The following USP13 variants were observed in gnomAD, a reference collection of about 807,000 sequenced individuals.
USP13 encodes ubiquitin specific peptidase 13.
A neutral mutation model predicts 107.8 loss-of-function variants in USP13; 68 were observed. That is an observed-to-expected ratio of 0.63 (90% CI 0.52 to 0.77). The LOEUF is 0.77. Ranked by LOEUF, USP13 falls within the 30% of genes least tolerant of loss-of-function variation. The pLI is 0.00. For missense variants in USP13, 945 were observed against 1,093.3 expected, an observed-to-expected ratio of 0.86 and a Z score of 1.91; for synonymous variants, 377 against 389.5, an observed-to-expected ratio of 0.97 and a Z score of 0.38.
chr3:179,666,698 T>G (rs1720596724), intron 1 of USP13, among the ~76,000 whole-genome samples: 1 of 152,188 alleles, frequency 6.6e-6, no homozygotes, highest in African/African-American at 2.4e-5. Flanking sequence ...TGAGTGGGGC[T>G]GCTGTCCTTT....
At chr3:179,725,298 G>GTT (rs11438087) in intron 8 of USP13, among the ~76,000 whole-genome samples, 1 of 151,732 alleles carries the variant, frequency 6.6e-6, no homozygotes, top group African/African-American at 2.4e-5. Flanking sequence ...TTTCCAGTGA[G>GTT]TTTTTTTTTG....
At chr3:179,762,093 T>C (rs6780256) in intron 17 of USP13, among the ~76,000 whole-genome samples, 7,110 of 152,296 alleles carry the variant, frequency 0.047, 569 homozygotes, top group African/African-American at 0.16. Context: ...CCCATTTTCC[T>C]GCTCACCCCA....
At chr3:179,763,655 C>T (rs1021522035) in intron 17 of USP13, among the ~76,000 whole-genome samples, 3 of 152,146 alleles carry the variant, frequency 2.0e-5, no homozygotes, top group Non-Finnish European at 4.4e-5. Flanking sequence ...GGTGCAATCT[C>T]AGCTCACTGC....
chr3:179,724,285 C>T (rs950272888), intron 8 of USP13, among the ~76,000 whole-genome samples: 1 of 151,156 alleles, frequency 6.6e-6, no homozygotes, highest in Admixed American at 6.6e-5. Context: ...TGGTGAAACC[C>T]CGTCTGTACT....
In USP13 at chr3:179,719,964, A is replaced by C; in HGVS notation, c.830A>C (p.Glu277Ala). 1.2e-6 allele frequency: 2 copies of C among 1,614,048 alleles called. No homozygotes were observed. Among genetic ancestry groups the C allele is most frequent in the African/African-American group, 2.7e-5 (2 of 75,046 alleles). Reference protein sequence around the residue: ...GADVYSFQEEEPVLDPHLAKH... With the variant: ...GADVYSFQEEAPVLDPHLAKH... The stretch of plus-strand genomic sequence containing the variant: ...GATGTTTATTCTTTTCAAGAAGAAG[A>C]ACCTGTTTTGGATCCTCATTTGGCC... Residue 277 changes from glutamate to alanine, a missense_variant, in exon 7 of 21, where the codon GAA (glutamate) becomes GCA (alanine). By Grantham distance (107) the Glu-to-Ala change is moderately radical. Transcript: ENST00000263966.
chr3:179,731,945 C>G (rs1713822448), intron 10 of USP13, among the ~76,000 whole-genome samples: 1 of 152,120 alleles, frequency 6.6e-6, no homozygotes, highest in Non-Finnish European at 1.5e-5. Context: ...AATAAATACC[C>G]TCTTGTTCAT....
At position 179,670,530 on chromosome 3, in the gene USP13, T is replaced by C. The variant is rs949196624; in HGVS notation, c.169-11348T>C. Among the ~76,000 whole-genome samples, 5 of 152,136 alleles carry C rather than the reference T, an allele frequency of 3.3e-5. No homozygotes were observed. The East Asian group carries it at 9.7e-4, about 29-fold the overall frequency. On this transcript the variant is annotated intron_variant, in intron 1 of 20. Transcript: ENST00000263966. ...CAGTGTTCCCGATTAGTTTCATTTT[T>C]CCCAGTTGTAATCACAGTCTCATTT...
chr3:179,671,659 C>G (rs1279340888), intron 1 of USP13, among the ~76,000 whole-genome samples: 2 of 152,156 alleles, frequency 1.3e-5, no homozygotes, highest in African/African-American at 4.8e-5. Flanking sequence ...ATGGAGGTAC[C>G]ATAAATTATT....
In USP13 at chr3:179,708,846, G is replaced by A; in HGVS notation, c.694G>A (p.Gly232Arg). 1 of 1,614,176 alleles carries A rather than the reference G, an allele frequency of 6.2e-7. No individual in the cohort carries two copies. Residue 232 changes from glycine (G) to arginine (R), a missense_variant, in exon 6 of 21, where the codon GGA becomes AGA. Gly to Arg is a moderately radical substitution (Grantham distance 125, BLOSUM62 -2). Coordinates refer to ENST00000263966, the MANE Select transcript of USP13 (RefSeq NM_003940.3). ...LNLTDGSVLC[G>R]KWFFDSSGGN... is the part of the protein sequence containing the mutation. Reference sequence around the variant, plus strand: ...TCTGACTGACGGCTCTGTCCTGTGTGGAAAGTGGTTCTTTGACAGCTCTGG... The same window carrying A: ...TCTGACTGACGGCTCTGTCCTGTGTAGAAAGTGGTTCTTTGACAGCTCTGG...
At position 179,694,799 on chromosome 3, in the gene USP13, C is replaced by CAAAGAAAAAA. The variant is rs1327789835; in HGVS notation, c.355+4501_355+4502insGAAAAAAAAA. Among the ~76,000 whole-genome samples the CAAAGAAAAAA allele has an allele frequency of 9.7e-5, 8 of 82,138 alleles. 1 individual carries two copies. Among genetic ancestry groups the CAAAGAAAAAA allele is most frequent in the African/African-American group, 1.4e-4 (3 of 21,454 alleles). The allele number at this position is 82,138 out of a possible 152,430, so 53.9% of individuals were successfully genotyped here. On this transcript the variant is annotated intron_variant, in intron 3 of 20. Coordinates refer to ENST00000263966, the MANE Select transcript of USP13 (RefSeq NM_003940.3). Reference sequence around the variant, plus strand: ...CTGGGCAAAGAGTGAAACTCCATCTCAAAAAAAAAAAAAAAAAAAAAAAAG... The same window carrying CAAAGAAAAAA: ...CTGGGCAAAGAGTGAAACTCCATCTCAAAGAAAAAAAAAAAAAAAAAAAAAAAAAAAAAAG...
chr3:179,662,812 G>C (rs1720491561), intron 1 of USP13, among the ~76,000 whole-genome samples: 1 of 152,106 alleles, frequency 6.6e-6, no homozygotes, highest in Admixed American at 6.5e-5. Flanking sequence ...TTTGGATCTG[G>C]ACATCTGTGC....
At chr3:179,657,720 C>T (rs113979381) in intron 1 of USP13, among the ~76,000 whole-genome samples, 1,836 of 131,930 alleles carry the variant, frequency 0.014, 30 homozygotes, top group African/African-American at 0.045. Flanking sequence ...GCCGAGATTG[C>T]GTCACTGCAC....
intron 11 of USP13, among the ~76,000 whole-genome samples, chr3:179,740,693 C>T (rs1201654721): frequency 2.0e-5 from 3 of 152,040 alleles, no homozygotes; most frequent in Admixed American, 6.6e-5. Context: ...AAGAGCCCTG[C>T]GTGGTATTTG....
intron 3 of USP13, among the ~76,000 whole-genome samples, chr3:179,699,438 G>A (rs867531416): frequency 1.3e-5 from 2 of 152,042 alleles, no homozygotes; most frequent in Non-Finnish European, 2.9e-5. Context: ...GAAACCAGGC[G>A]TGGTGATTCA....
intron 7 of USP13, among the ~76,000 whole-genome samples, chr3:179,720,700 T>C (rs1358341261): frequency 6.6e-6 from 1 of 152,120 alleles, no homozygotes; most frequent in Non-Finnish European, 1.5e-5. Flanking sequence ...TTGTTTGCTG[T>C]GTTGCATTGA....
At chr3:179,688,087 A>ATCCATCCGTCCG (rs1302442037) in intron 2 of USP13, among the ~76,000 whole-genome samples, 40 of 114,926 alleles carry the variant, frequency 3.5e-4, no homozygotes, top group Middle Eastern at 5.3e-3. Flanking sequence ...ATATCCATCC[A>ATCCATCCGTCCG]TCCATCCATC....
chr3:179,758,313 A>G (rs915137320), intron 16 of USP13, among the ~76,000 whole-genome samples: 2 of 152,074 alleles, frequency 1.3e-5, no homozygotes, highest in African/African-American at 4.8e-5. Context: ...CTCCATGGGA[A>G]GTGATGGGCA....
chr3:179,658,737 T>C (rs923090452), intron 1 of USP13, among the ~76,000 whole-genome samples: 1 of 151,992 alleles, frequency 6.6e-6, no homozygotes, highest in Non-Finnish European at 1.5e-5. Context: ...GAGAGTACTG[T>C]ATTTATCCAC....
chr3:179,674,388 C>A (rs1720833766), intron 1 of USP13, among the ~76,000 whole-genome samples: 1 of 152,078 alleles, frequency 6.6e-6, no homozygotes, highest in Non-Finnish European at 1.5e-5. Flanking sequence ...CAAATGAAAA[C>A]AACACAAAAC....
Sources: allele counts gnomAD v4.1 joint callset (sites outside exome capture counted in the v4.1 genomes callset), GRCh38; gene constraint gnomAD v4.1.1; transcripts MANE v1.5; gene names NCBI Gene and HGNC (gene_info 2026-07-23, HGNC 2026-07-21).